PGM5: variants seen among roughly 807,000 people sequenced by gnomAD.
The protein encoded by PGM5 is phosphoglucomutase 5.
PGM5 carries 23 observed loss-of-function variants against 59.2 expected under a neutral mutation model. That is an observed-to-expected ratio of 0.39 (90% CI 0.28 to 0.55). The LOEUF (loss-of-function observed/expected upper bound fraction) is 0.55, where lower values mean the gene tolerates loss of function less well. Ranked by LOEUF, PGM5 falls within the 20% of genes least tolerant of loss-of-function variation. The probability of loss-of-function intolerance (pLI) is 0.66; values close to 1 mark genes in which losing one functional copy is unlikely to be tolerated. For missense variants in PGM5, 574 were observed against 748.3 expected, an observed-to-expected ratio of 0.77 and a Z score of 2.72; for synonymous variants, 214 against 286.0, an observed-to-expected ratio of 0.75 and a Z score of 2.54.
At chr9:68,384,660 G>T in intron 3 of PGM5, 116 bp downstream of exon 3, 1 of 658,306 alleles carries the variant, frequency 1.5e-6, no homozygotes, top group Non-Finnish European at 2.7e-6. Flanking sequence ...GGGGTGACTC[G>T]ATAAATGTGT....
At chr9:68,441,069 A>G (rs533166772) in intron 6 of PGM5, among the ~76,000 whole-genome samples, 5 of 152,226 alleles carry the variant, frequency 3.3e-5, no homozygotes, top group Non-Finnish European at 4.4e-5. Flanking sequence ...AAATGGGCCA[A>G]TTCCTTGAAA....
intron 7 of PGM5, among the ~76,000 whole-genome samples, chr9:68,478,312 C>A (rs1002384157): frequency 3.9e-5 from 6 of 152,144 alleles, no homozygotes; most frequent in Admixed American, 3.3e-4. Flanking sequence ...GTAGGATATA[C>A]CTTCTCTATT....
chr9:68,383,002 G>A (rs556975408), intron 2 of PGM5, among the ~76,000 whole-genome samples: 3 of 152,110 alleles, frequency 2.0e-5, no homozygotes, highest in East Asian at 1.9e-4. Context: ...ATGCAAAAAC[G>A]AAACAAGACT....
chr9:68,397,988 A>G (rs1464336328), intron 6 of PGM5: 1 of 152,226 alleles, frequency 6.6e-6, no homozygotes, highest in African/African-American at 2.4e-5. Context: ...TGGAATCCAG[A>G]CAGTGTTAAT....
intron 6 of PGM5, among the ~76,000 whole-genome samples, chr9:68,447,856 T>C (rs1479612093): frequency 6.6e-6 from 1 of 152,230 alleles, no homozygotes; most frequent in African/African-American, 2.4e-5. Flanking sequence ...TACCAGTTCA[T>C]AGCTTTGGAC....
At chr9:68,396,722 A>T (rs1554680022) in intron 6 of PGM5, 1 of 152,192 alleles carries the variant, frequency 6.6e-6, no homozygotes, top group Non-Finnish European at 1.5e-5. Flanking sequence ...CATGATGGAC[A>T]CTTTATAAGC....
intron 1 of PGM5, among the ~76,000 whole-genome samples, chr9:68,376,594 T>C (rs1205915677): frequency 6.6e-6 from 1 of 151,886 alleles, no homozygotes; most frequent in Non-Finnish European, 1.5e-5. Context: ...GACGGACCTC[T>C]AGCAATGATG....
Position 68,483,857 on chromosome 9 carries a change from C to A in PGM5, c.1296-8C>A. 6.2e-7 allele frequency: 1 copy of A among 1,613,612 alleles called. No homozygotes were observed. The highest frequency in any genetic ancestry group is 8.5e-7 in the Non-Finnish European group (1 of 1,179,620). ...ATTAGGTTTCTGTTCCTCCTGTGTC[C>A]TCACCAGGTTTGACTATGAGGGGTT... On this transcript the variant is annotated splice_region_variant and splice_polypyrimidine_tract_variant and intron_variant, in intron 8 of 10. Transcript: ENST00000396396.
chr9:68,505,737 C>T (rs1430313722), intron 10 of PGM5, among the ~76,000 whole-genome samples: 1 of 152,194 alleles, frequency 6.6e-6, no homozygotes, highest in African/African-American at 2.4e-5. Context: ...GGAAGCTCTT[C>T]AAACCCTGTT....
chr9:68,456,871 C>T (rs183221204), intron 6 of PGM5, among the ~76,000 whole-genome samples: 2 of 152,196 alleles, frequency 1.3e-5, no homozygotes, highest in Admixed American at 6.5e-5. Flanking sequence ...GGTGATCTAC[C>T]CTCCTCGGCC....
intron 10 of PGM5, among the ~76,000 whole-genome samples, chr9:68,522,053 A>G (rs958150516): frequency 6.6e-6 from 1 of 152,178 alleles, no homozygotes; most frequent in African/African-American, 2.4e-5. Flanking sequence ...TCTGGAGTTC[A>G]AGGCCGGCCT....
At chr9:68,495,998 C>T (rs1349556542) in intron 9 of PGM5, among the ~76,000 whole-genome samples, 3 of 152,130 alleles carry the variant, frequency 2.0e-5, no homozygotes, top group Non-Finnish European at 2.9e-5. Context: ...ACAAAAGCAG[C>T]CATAGACAAG....
At chr9:68,436,650 A>C (rs919869058) in intron 6 of PGM5, among the ~76,000 whole-genome samples, 1 of 152,208 alleles carries the variant, frequency 6.6e-6, no homozygotes, top group Non-Finnish European at 1.5e-5. Flanking sequence ...CTCACTGCCA[A>C]GTGTATTTGT....
chr9:68,524,260 A>C (rs1389711327), intron 10 of PGM5, among the ~76,000 whole-genome samples: 2 of 152,140 alleles, frequency 1.3e-5, no homozygotes, highest in South Asian at 4.1e-4. Context: ...ATGTCCAAAA[A>C]ATTCATGATA....
chr9:68,426,598 C>G (rs1823242096), intron 6 of PGM5, among the ~76,000 whole-genome samples: 1 of 149,938 alleles, frequency 6.7e-6, no homozygotes, highest in Non-Finnish European at 1.5e-5. Context: ...AGGCTTTTGT[C>G]TTTCTCTCTT....
chr9:68,378,329 A>C lies in PGM5; in HGVS notation c.392A>C (p.Glu131Ala). ...ASHCPGGPGG[E>A]FGVKFNVANG... ...CACTGCCCTGGAGGACCAGGGGGAG[A>C]GTTTGGAGTGAAGTTTAATGTTGCC... The change falls in exon 2 of 11, where the codon GAG becomes GCG. Residue 131 changes from glutamate to alanine, a missense_variant. Around this residue, in one of 7 missense-constraint regions of PGM5, gnomAD observed 61 missense variants for 133.3 expected, o/e 0.46. Coordinates refer to ENST00000396396, the MANE Select transcript of PGM5 (RefSeq NM_021965.4). 1 of 1,590,112 alleles carries C rather than the reference A, an allele frequency of 6.3e-7. No homozygotes were observed. Among genetic ancestry groups the C allele is most frequent in the Non-Finnish European group, 8.5e-7 (1 of 1,171,608 alleles).
chr9:68,435,167 C>T (rs1823425388), intron 6 of PGM5, among the ~76,000 whole-genome samples: 1 of 152,142 alleles, frequency 6.6e-6, no homozygotes, highest in South Asian at 2.1e-4. Flanking sequence ...CCCTTTTATT[C>T]TTTATCTCAG....
At chr9:68,366,405 G>A (rs1481751099) in intron 1 of PGM5, among the ~76,000 whole-genome samples, 2 of 152,264 alleles carry the variant, frequency 1.3e-5, no homozygotes, top group Non-Finnish European at 2.9e-5. Context: ...GTGAATGATA[G>A]CTTGTTGGTG....
At chr9:68,495,414 T>C (rs1357084321) in intron 9 of PGM5, among the ~76,000 whole-genome samples, 1 of 152,126 alleles carries the variant, frequency 6.6e-6, no homozygotes, top group Non-Finnish European at 1.5e-5. Flanking sequence ...AAGGGAAATG[T>C]GGTTAGTTAC....
Sources: gnomAD v4.1 joint callset for allele counts (sites outside exome capture counted in the v4.1 genomes callset) on GRCh38, gnomAD v4.1.1 for gene constraint, gnomAD v4.1.1 regional missense constraint, MANE v1.5 for transcripts, NCBI Gene and HGNC (gene_info 2026-07-23, HGNC 2026-07-21) for gene names.